Variants in CDH26 observed in about 807,000 individuals in gnomAD.
CDH26 encodes the protein cadherin 26, also known as cadherin-like protein 26.
CDH26 carries 83 observed loss-of-function variants against 90.3 expected under a neutral mutation model. The observed-to-expected ratio is 0.92, with a 90% confidence interval of 0.77 to 1.10. The LOEUF is 1.10. CDH26 is among the 50% of genes least tolerant of loss of function. The pLI is 0.00. For missense variants in CDH26, 1,013 were observed against 1,037.6 expected, an observed-to-expected ratio of 0.98 and a Z score of 0.33; for synonymous variants, 397 against 396.3, an observed-to-expected ratio of 1.00 and a Z score of -0.02.
rs572268810 is a variant in CDH26, at chr20:59,968,386, C to T, written c.70-581C>T. On this transcript the variant is annotated intron_variant, in intron 1 of 17. Coordinates refer to ENST00000348616, the MANE Select transcript of CDH26 (RefSeq NM_177980.4). ...TGCTAGGATTACACGCGTGAGCCACCGCTCCTGGCTGACTTATCTCTTTCT... is the reference window on the plus strand; with the variant it reads ...TGCTAGGATTACACGCGTGAGCCACTGCTCCTGGCTGACTTATCTCTTTCT... Among the ~76,000 whole-genome samples, 131 of 152,178 alleles carry T rather than the reference C, an allele frequency of 8.6e-4. 1 individual carries two copies. The highest frequency in any genetic ancestry group is 2.6e-3 in the African/African-American group (109 of 41,516).
At chr20:60,023,400 T>C (rs538037255) in intron 7 of CDH26, among the ~76,000 whole-genome samples, 3 of 152,334 alleles carry the variant, frequency 2.0e-5, no homozygotes, top group African/African-American at 7.2e-5. Context: ...GCTTAATGGA[T>C]GTGTTCAGGC....
chr20:59,979,309 C>T (rs1019066666), intron 4 of CDH26, among the ~76,000 whole-genome samples: 7 of 151,682 alleles, frequency 4.6e-5, no homozygotes, highest in East Asian at 3.9e-4. Flanking sequence ...AGCAATTCTC[C>T]TGCCTCAGTC....
chr20:60,002,220 T>C (rs1016844829), intron 15 of CDH26, among the ~76,000 whole-genome samples: 17 of 152,260 alleles, frequency 1.1e-4, no homozygotes, highest in Middle Eastern at 3.4e-3. Flanking sequence ...TGAGCAAAGA[T>C]GAAAACATGA....
chr20:59,984,679 A>T lies in CDH26; in HGVS notation c.582A>T (p.Glu194Asp). 1 of 1,613,120 alleles carries T rather than the reference A, an allele frequency of 6.2e-7. No individual in the cohort carries two copies. Among genetic ancestry groups the T allele is most frequent in the Non-Finnish European group, 8.5e-7 (1 of 1,179,740 alleles). ...IFQMLAVDLD[E>D]ENTPNSQVLY... The stretch of plus-strand genomic sequence containing the variant: ...AGATGTTAGCAGTCGATTTGGATGA[A>T]GAAAACACTCCAAATTCTCAAGTCC... Residue 194 changes from glutamate to aspartate, a missense_variant, in exon 6 of 18, where the codon GAA (glutamate) becomes GAT (aspartate). Coordinates refer to ENST00000348616, the MANE Select transcript of CDH26 (RefSeq NM_177980.4).
At chr20:59,961,770 T>A (rs1424944754) in intron 1 of CDH26, among the ~76,000 whole-genome samples, 16 of 152,194 alleles carry the variant, frequency 1.1e-4, no homozygotes, top group Non-Finnish European at 2.9e-5. Flanking sequence ...CAGTGACAAG[T>A]AATGACAAGC....
chr20:60,023,711 G>C (rs2061975769), intron 7 of CDH26, among the ~76,000 whole-genome samples: 1 of 152,208 alleles, frequency 6.6e-6, no homozygotes. Context: ...CCTGCAGTCT[G>C]CAATTTAAGT....
At chr20:60,023,924 C>A (rs906810316) in intron 7 of CDH26, among the ~76,000 whole-genome samples, 1 of 151,784 alleles carries the variant, frequency 6.6e-6, no homozygotes, top group African/African-American at 2.4e-5. Context: ...CCCTTCCTTC[C>A]CATGGCTCCA....
Position 59,989,041 on chromosome 20 carries a change from G to A in CDH26, c.1161G>A (p.Val387=). The change falls in exon 9 of 18, where the codon GTG becomes GTA. Residue 387 remains valine (V), a synonymous_variant. Coordinates refer to ENST00000348616, the MANE Select transcript of CDH26 (RefSeq NM_177980.4). ...AAASATVSVQ[V]TDANDPPAFH... ...CCAGCGCCACTGTGAGTGTGCAGGTGACAGACGCCAACGACCCACCAGCCT... is the reference window on the plus strand; with the variant it reads ...CCAGCGCCACTGTGAGTGTGCAGGTAACAGACGCCAACGACCCACCAGCCT... 1 of 1,614,192 alleles carries A rather than the reference G, an allele frequency of 6.2e-7. No individual in the cohort carries two copies. Among genetic ancestry groups the A allele is most frequent in the South Asian group, 1.1e-5 (1 of 91,074 alleles).
chr20:59,967,945 T>A (rs1601091298), intron 1 of CDH26, among the ~76,000 whole-genome samples: 4 of 109,372 alleles, frequency 3.7e-5, no homozygotes, highest in Admixed American at 9.5e-5. Flanking sequence ...CTTTCTTTCT[T>A]TCTTTCTTTC....
At chr20:59,996,145 G>A (rs367671182) in intron 12 of CDH26, 91 bp downstream of exon 12, 231 of 1,299,542 alleles carry the variant, frequency 1.8e-4, no homozygotes, top group African/African-American at 8.3e-4. Flanking sequence ...AGGGGACAGC[G>A]GTGGCAGGAT....
intron 5 of CDH26, 91 bp downstream of exon 5, chr20:59,983,161 T>A: frequency 6.9e-7 from 1 of 1,451,178 alleles, no homozygotes; most frequent in Non-Finnish European, 9.3e-7. Flanking sequence ...CCTAGTCATC[T>A]TCAGGGAGAG....
chr20:59,968,301 T>C (rs2061205532), intron 1 of CDH26, among the ~76,000 whole-genome samples: 1 of 151,970 alleles, frequency 6.6e-6, no homozygotes. Context: ...TTTCATCATA[T>C]TGGTTAGTTG....
chr20:60,016,900 T>C (rs764953286), downstream of CDH26, among the ~76,000 whole-genome samples: 1 of 152,146 alleles, frequency 6.6e-6, no homozygotes, highest in Non-Finnish European at 1.5e-5. Context: ...TTCATTTTGT[T>C]GATGTGATGT....
At chr20:60,015,099 C>G (rs2061894052), downstream of CDH26, among the ~76,000 whole-genome samples, 1 of 152,252 alleles carries the variant, frequency 6.6e-6, no homozygotes, top group South Asian at 2.1e-4. Flanking sequence ...ATTCTCCTGT[C>G]TCAGCCTCCC....
chr20:59,989,277 C>A (rs939258298), intron 9 of CDH26, 114 bp downstream of exon 9: 54 of 1,401,462 alleles, frequency 3.9e-5, no homozygotes, highest in Non-Finnish European at 5.0e-5. Context: ...GCCTGTAATC[C>A]CAGCGCTTTG....
intron 11 of CDH26, 21 bp from the exon 12 acceptor site, chr20:59,995,812 A>G (rs772370178): frequency 2.5e-6 from 4 of 1,607,244 alleles, no homozygotes; most frequent in Non-Finnish European, 3.4e-6. Flanking sequence ...AATGCATGCC[A>G]TGTTCTTTTT....
chr20:59,996,585 A>G (rs1426489187), intron 12 of CDH26, 46 bp from the exon 13 acceptor site: 7 of 1,614,222 alleles, frequency 4.3e-6, no homozygotes, highest in East Asian at 2.2e-5. Flanking sequence ...AACCTCTGAT[A>G]TGGGTGAGCT....
chr20:60,019,358 T>A (rs2061933540), downstream of CDH26, among the ~76,000 whole-genome samples: 1 of 152,226 alleles, frequency 6.6e-6, no homozygotes, highest in Admixed American at 6.5e-5. Flanking sequence ...TGAATATTTG[T>A]CACTTAATGG....
chr20:60,031,775 G>A (rs1025817416), intron 8 of CDH26, among the ~76,000 whole-genome samples: 2 of 152,104 alleles, frequency 1.3e-5, no homozygotes, highest in Admixed American at 6.5e-5. Context: ...GCTGGGTGGC[G>A]GCCACTGTCT....
Sources: gnomAD v4.1 joint callset for allele counts (sites outside exome capture counted in the v4.1 genomes callset) on GRCh38, gnomAD v4.1.1 for gene constraint, MANE v1.5 for transcripts, NCBI Gene and HGNC (gene_info 2026-07-23, HGNC 2026-07-21) for gene names.